DLGAP2: variants seen among roughly 807,000 people sequenced by gnomAD.
The protein encoded by DLGAP2 is DLG associated protein 2.
In DLGAP2, 26 loss-of-function variants were observed where a neutral mutation model predicts 100.3. The observed-to-expected ratio is 0.26, with a 90% CI of 0.19 to 0.36. The LOEUF (loss-of-function observed/expected upper bound fraction) is 0.36, where lower values mean the gene tolerates loss of function less well. DLGAP2 is among the 10% of genes least tolerant of loss of function. The probability of loss-of-function intolerance (pLI) is 1.00; values close to 1 mark genes in which losing one functional copy is unlikely to be tolerated. For missense variants in DLGAP2, 1,858 were observed against 1,453.2 expected, an observed-to-expected ratio of 1.28 and a Z score of -4.53; for synonymous variants, 886 against 630.1, an observed-to-expected ratio of 1.41 and a Z score of -6.08.
intron 6 of DLGAP2, among the ~76,000 whole-genome samples, chr8:1,579,603 T>C (rs1239569504): frequency 1.3e-5 from 2 of 151,952 alleles, no homozygotes; most frequent in African/African-American, 4.8e-5. Context: ...AAGAAAAAAA[T>C]GAATGACGCA....
At chr8:1,182,281 G>A (rs1027032601) in intron 2 of DLGAP2, among the ~76,000 whole-genome samples, 3 of 152,258 alleles carry the variant, frequency 2.0e-5, no homozygotes, top group African/African-American at 7.2e-5. Flanking sequence ...TGGAGAAAAG[G>A]GCAAAGCTGT....
chr8:1,026,756 C>T (rs1801811789), intron 2 of DLGAP2, among the ~76,000 whole-genome samples: 1 of 152,160 alleles, frequency 6.6e-6, no homozygotes, highest in Non-Finnish European at 1.5e-5. Context: ...TGCAAAACAG[C>T]ATTGAGTGTT....
At chr8:1,188,768 C>T (rs1222601364) in intron 2 of DLGAP2, among the ~76,000 whole-genome samples, 2 of 152,232 alleles carry the variant, frequency 1.3e-5, no homozygotes, top group Non-Finnish European at 2.9e-5. Context: ...AAGACATTTC[C>T]TGTTACACGC....
chr8:1,062,045 G>GAA (rs111836129), intron 2 of DLGAP2, among the ~76,000 whole-genome samples: 251 of 145,980 alleles, frequency 1.7e-3, no homozygotes, highest in African/African-American at 3.1e-3. Context: ...ACATTTATCT[G>GAA]AAAAAAAAAA....
chr8:764,514 A>T (rs1291435191), intron 1 of DLGAP2, among the ~76,000 whole-genome samples: 1 of 152,212 alleles, frequency 6.6e-6, no homozygotes, highest in African/African-American at 2.4e-5. Flanking sequence ...CAAGTAGGAA[A>T]TACCTGTGGT....
intron 6 of DLGAP2, among the ~76,000 whole-genome samples, chr8:1,572,585 T>C (rs1389768821): frequency 1.8e-5 from 2 of 112,156 alleles, no homozygotes; most frequent in African/African-American, 3.6e-5. Context: ...TGTGGGGGCG[T>C]CTGCTGGTAT....
chr8:1,668,683 C>A lies in DLGAP2; in HGVS notation c.2160+5C>A. The A allele has an allele frequency of 6.6e-7, 1 of 1,522,980 alleles. No homozygotes were observed. The highest frequency in any genetic ancestry group is 8.8e-7 in the Non-Finnish European group (1 of 1,131,860). 94.3% of individuals were successfully genotyped at this position (1,522,980 alleles called of 1,614,324 possible). ...TGCTCCTCCATCGGGATTCAGGTAG[C>A]TGCTCTTGGCCGCCCGTCAGGGCCT... On this transcript the variant is annotated splice_donor_5th_base_variant and intron_variant, in intron 9 of 14. Coordinates refer to ENST00000637795, the MANE Select transcript of DLGAP2 (RefSeq NM_001346810.2).
chr8:1,536,863 G>T (rs1801169706), intron 4 of DLGAP2, among the ~76,000 whole-genome samples: 1 of 152,100 alleles, frequency 6.6e-6, no homozygotes, highest in Admixed American at 6.5e-5. Flanking sequence ...CGCTGGCCAG[G>T]CCCAGGAGGC....
rs547045868 is a variant in DLGAP2, at chr8:1,640,778, C to G, written c.1810+7732C>G. Among the ~76,000 whole-genome samples the G allele has an allele frequency of 8.5e-4, 130 of 152,288 alleles. 2 individuals are homozygous for G. The South Asian group carries it at 0.01, about 12-fold the overall frequency. ...GGAAGTCTCACGTGGCCCGCCCCCC[C>G]GCATCTAGACTTGTGTTTTACAGTA... On this transcript the variant is annotated intron_variant, in intron 8 of 14. Transcript: ENST00000637795.
intron 2 of DLGAP2, among the ~76,000 whole-genome samples, chr8:1,000,965 G>C (rs1440121472): frequency 6.6e-6 from 1 of 152,176 alleles, no homozygotes; most frequent in Non-Finnish European, 1.5e-5. Context: ...GATTTCCTCA[G>C]TGTAGGCAGG....
chr8:836,879 C>T (rs750218258), intron 1 of DLGAP2, among the ~76,000 whole-genome samples: 1 of 152,234 alleles, frequency 6.6e-6, no homozygotes, highest in African/African-American at 2.4e-5. Context: ...TGTTTTGCTT[C>T]CGTTCTGCCT....
intron 2 of DLGAP2, among the ~76,000 whole-genome samples, chr8:1,149,648 T>C (rs1304063901): frequency 6.6e-6 from 1 of 152,272 alleles, no homozygotes; most frequent in African/African-American, 2.4e-5. Context: ...GGTCAGACTG[T>C]ATATATTAAA....
chr8:1,461,222 G>A (rs995177413), intron 3 of DLGAP2, among the ~76,000 whole-genome samples: 1 of 125,704 alleles, frequency 8.0e-6, no homozygotes, highest in Non-Finnish European at 1.7e-5. Context: ...TGGCCAGGAG[G>A]AGGGAGAAGG....
At chr8:1,302,634 C>G (rs1271329784) in intron 3 of DLGAP2, 3 of 152,320 alleles carry the variant, frequency 2.0e-5, no homozygotes, top group African/African-American at 7.2e-5. Flanking sequence ...CTGCTCCATA[C>G]CCGGGACTGG....
chr8:1,356,653 C>A (rs1563102795), intron 3 of DLGAP2, among the ~76,000 whole-genome samples: 1 of 152,172 alleles, frequency 6.6e-6, no homozygotes, highest in Non-Finnish European at 1.5e-5. Flanking sequence ...TATGGTGAAA[C>A]CGTGACGGTT....
At chr8:1,462,764 G>C (rs1277376555) in intron 3 of DLGAP2, among the ~76,000 whole-genome samples, 1 of 152,214 alleles carries the variant, frequency 6.6e-6, no homozygotes, top group Non-Finnish European at 1.5e-5. Flanking sequence ...CAGAGGCCAG[G>C]GATGCCTCCT....
At chr8:1,251,192 C>T (rs901833050) in intron 2 of DLGAP2, among the ~76,000 whole-genome samples, 51 of 152,326 alleles carry the variant, frequency 3.3e-4, no homozygotes, top group African/African-American at 1.2e-3. Flanking sequence ...TAAAAATTTA[C>T]TGTCATCCTG....
intron 3 of DLGAP2, among the ~76,000 whole-genome samples, chr8:1,437,759 G>A (rs1797689484): frequency 6.9e-6 from 1 of 144,852 alleles, no homozygotes; most frequent in Admixed American, 7.3e-5. Flanking sequence ...TTTGAGGTCA[G>A]GAGTTCGAGA....
chr8:1,609,083 A>G (rs1475798993), intron 6 of DLGAP2, among the ~76,000 whole-genome samples: 1 of 130,204 alleles, frequency 7.7e-6, no homozygotes, highest in Non-Finnish European at 1.7e-5. Context: ...CAAGACACAT[A>G]ATTGTCAGAT....
Sources: allele counts gnomAD v4.1 joint callset (sites outside exome capture counted in the v4.1 genomes callset), GRCh38; gene constraint gnomAD v4.1.1; transcripts MANE v1.5; gene names NCBI Gene and HGNC (gene_info 2026-07-23, HGNC 2026-07-21).